DHODH: variants seen among roughly 807,000 people sequenced by gnomAD.
The protein encoded by DHODH is dihydroorotate dehydrogenase (quinone), mitochondrial.
In DHODH, 30 loss-of-function variants were observed where a neutral mutation model predicts 39.7. That is an observed-to-expected ratio of 0.76 (90% confidence interval 0.57 to 1.02). DHODH has a LOEUF of 1.02. Ranked by LOEUF, DHODH falls within the 50% of genes least tolerant of loss-of-function variation. The pLI is 0.00. For missense variants in DHODH, 531 were observed against 520.8 expected, an observed-to-expected ratio of 1.02 and a Z score of -0.19; for synonymous variants, 222 against 213.8, an observed-to-expected ratio of 1.04 and a Z score of -0.34.
chr16:72,026,507 A>G lies in DHODH; in HGVS notation c.*2308A>G, dbSNP rs567213487. Reference sequence around the variant, plus strand: ...GGGATTCTTCAGCCTCAGCCTCCAGAGTAGCTGGGACTACAGGTGCATGCC... The same window carrying G: ...GGGATTCTTCAGCCTCAGCCTCCAGGGTAGCTGGGACTACAGGTGCATGCC... On this transcript the variant is annotated 3_prime_UTR_variant, in exon 9 of 9. Coordinates refer to ENST00000219240, the MANE Select transcript of DHODH (RefSeq NM_001361.5). The G allele has an allele frequency of 2.6e-5, 4 of 152,120 alleles. No individual in the cohort carries two copies. The highest frequency in any genetic ancestry group is 5.9e-5 in the Non-Finnish European group (4 of 68,288). 9.4% of individuals were successfully genotyped at this position (152,120 alleles called of 1,614,324 possible). A position where few individuals can be genotyped will look rare whatever the true frequency, so the allele number is the denominator to read the frequency against.
Position 72,014,687 on chromosome 16 carries a change from CAG to C in DHODH, c.434+18_434+19del. 1 of 1,613,686 alleles carries C rather than the reference CAG, an allele frequency of 6.2e-7. No individual in the cohort carries two copies. The highest frequency in any genetic ancestry group is 1.1e-5 in the South Asian group (1 of 91,060). ...GTCATTAACAGGTAGGTGAGCGGCCCAGAGTTAACGGGGGATGCCCTCTTTCC... is the reference window on the plus strand; with the variant it reads ...GTCATTAACAGGTAGGTGAGCGGCCCAGTTAACGGGGGATGCCCTCTTTCC... On this transcript the variant is annotated intron_variant, in intron 3 of 8. Transcript: ENST00000219240.
chr16:72,009,855 C>T (rs956119496), intron 1 of DHODH, among the ~76,000 whole-genome samples: 29 of 152,278 alleles, frequency 1.9e-4, no homozygotes, highest in Admixed American at 1.6e-3. Context: ...ACCTCGTGAG[C>T]CTCCCAAAGT....
intron 3 of DHODH, 45 bp from the exon 4 acceptor site, chr16:72,016,979 T>C: frequency 1.3e-6 from 2 of 1,558,330 alleles, no homozygotes; most frequent in South Asian, 1.1e-5. Context: ...GAAGTGGCTA[T>C]GGTGCCGTCT....
rs765741816 is a variant in DHODH, at chr16:72,012,172, G to A, written c.144G>A (p.Leu48=). The change falls in exon 2 of 9, where the codon CTG becomes CTA. Residue 48 remains leucine (L), a synonymous_variant. Transcript: ENST00000219240. ...ACCTGATGCCGACTCTGCAGGGGCT[G>A]CTGGACCCGGAGTCAGCCCACAGAC... ...AEHLMPTLQG[L]LDPESAHRLA... The A allele has an allele frequency of 5.6e-6, 9 of 1,614,174 alleles. No individual in the cohort carries two copies. The highest frequency in any genetic ancestry group is 7.6e-6 in the Non-Finnish European group (9 of 1,180,030).
intron 2 of DHODH, among the ~76,000 whole-genome samples, chr16:72,014,034 AT>A (rs1457431082): frequency 3.9e-5 from 6 of 152,148 alleles, no homozygotes; most frequent in Non-Finnish European, 7.4e-5. Flanking sequence ...TATTAAGCTG[AT>A]TAAAGGGTTT....
chr16:72,023,726 T>G (rs1003206230), intron 8 of DHODH, 93 bp downstream of exon 8: 1 of 1,573,018 alleles, frequency 6.4e-7, no homozygotes, highest in South Asian at 1.1e-5. Context: ...CTGTTTCTTA[T>G]TCATTCAAAA....
intron 5 of DHODH, 53 bp from the exon 6 acceptor site, chr16:72,022,309 A>G: frequency 7.6e-7 from 1 of 1,316,628 alleles, no homozygotes; most frequent in Non-Finnish European, 1.1e-6. Flanking sequence ...TCACAGCTGC[A>G]CTGCAGGGCT....
chr16:72,012,045 T>G lies in DHODH; in HGVS notation c.22-5T>G. 6.2e-7 allele frequency: 1 copy of G among 1,614,052 alleles called. No individual in the cohort carries two copies. The highest frequency in any genetic ancestry group is 2.2e-5 in the East Asian group (1 of 44,890). On this transcript the variant is annotated splice_region_variant and splice_polypyrimidine_tract_variant and intron_variant, in intron 1 of 8. Transcript: ENST00000219240. ...GGGACCCCCCTAATATGCTCTTTTTTGCAGAAGCGGGCCCAGGATGCTGTG... is the reference window on the plus strand; with the variant it reads ...GGGACCCCCCTAATATGCTCTTTTTGGCAGAAGCGGGCCCAGGATGCTGTG...
chr16:72,022,350 G>GT lies in DHODH; in HGVS notation c.706-11dup, dbSNP rs756693219. ...CTGCGGGGTCCCCAGCTCTGGCCGT[G>GT]TGTCGCCCTAGGTGCTGCAGGAGAG... On this transcript the variant is annotated splice_polypyrimidine_tract_variant and intron_variant, in intron 5 of 8. Transcript: ENST00000219240. The GT allele has an allele frequency of 6.5e-7, 1 of 1,549,778 alleles. No individual in the cohort carries two copies. Among genetic ancestry groups the GT allele is most frequent in the Non-Finnish European group, 8.7e-7 (1 of 1,146,272 alleles).
At chr16:72,021,774 G>GA (rs2041220242) in intron 5 of DHODH, among the ~76,000 whole-genome samples, 1 of 152,138 alleles carries the variant, frequency 6.6e-6, no homozygotes, top group Non-Finnish European at 1.5e-5. Context: ...GACCAGCCTG[G>GA]GCAAAAGAGC....
rs952358400 is a variant in DHODH at position 72,024,927 on chromosome 16, C to A, written c.*728C>A. ...GAGGTTGCAGTGAGCCAAGATTGCA[C>A]CAGTGCACTCCAGCTTGGGCGACAG... On this transcript the variant is annotated 3_prime_UTR_variant, in exon 9 of 9. Coordinates refer to ENST00000219240, the MANE Select transcript of DHODH (RefSeq NM_001361.5). 6.5e-6 allele frequency: 1 copy of A among 152,676 alleles called. No homozygotes were observed. Among genetic ancestry groups the A allele is most frequent in the African/African-American group, 2.4e-5 (1 of 41,466 alleles). 9.5% of individuals were successfully genotyped at this position (152,676 alleles called of 1,614,324 possible). A position where few individuals can be genotyped will look rare whatever the true frequency, so the allele number is the denominator to read the frequency against.
chr16:72,014,575 G>A lies in DHODH; in HGVS notation c.337G>A (p.Gly113Ser). Reference sequence around the variant, plus strand: ...GGACGGACTTTATAAGATGGGCTTTGGTTTTGTTGAGATAGGAAGTGTGAC... The same window carrying A: ...GGACGGACTTTATAAGATGGGCTTTAGTTTTGTTGAGATAGGAAGTGTGAC... The part of the protein sequence containing the change: ...AVDGLYKMGF[G>S]FVEIGSVTPK... Residue 113 changes from glycine to serine, a missense_variant, in exon 3 of 9, where the codon GGT becomes AGT. Physicochemically the swap from Gly to Ser is moderately conservative, Grantham distance 56. Transcript: ENST00000219240. 6.2e-7 allele frequency: 1 copy of A among 1,614,158 alleles called. No individual in the cohort carries two copies. The highest frequency in any genetic ancestry group is 8.5e-7 in the Non-Finnish European group (1 of 1,180,042).
At chr16:72,015,902 G>C (rs921765667) in intron 3 of DHODH, 1 of 983,662 alleles carries the variant, frequency 1.0e-6, no homozygotes, top group Non-Finnish European at 1.2e-6. Flanking sequence ...AAGTTATGAA[G>C]TCATCAGATA....
chr16:72,011,247 C>T (rs540328700), intron 1 of DHODH, among the ~76,000 whole-genome samples: 27 of 152,306 alleles, frequency 1.8e-4, no homozygotes, highest in Non-Finnish European at 2.8e-4. Flanking sequence ...GTACCATTCC[C>T]GATGAGATTT....
chr16:72,021,575 C>G (rs2143997769), intron 5 of DHODH, among the ~76,000 whole-genome samples: 1 of 152,368 alleles, frequency 6.6e-6, no homozygotes, highest in South Asian at 2.1e-4. Context: ...TCTCATTTGT[C>G]ACTCTGACCC....
rs267606765 is a variant in DHODH, at chr16:72,012,084, G to A, written c.56G>A (p.Gly19Glu). Residue 19 changes from glycine to glutamate, a missense_variant, in exon 2 of 9, where the codon GGA (glycine) becomes GAA (glutamate). Physicochemically the swap from Gly to Glu is moderately conservative, Grantham distance 98. Coordinates refer to ENST00000219240, the MANE Select transcript of DHODH (RefSeq NM_001361.5). ...RAQDAVIILG[G>E]GGLLFASYLM... ...CAGGATGCTGTGATCATCCTGGGGG[G>A]AGGAGGACTTCTCTTCGCCTCCTAC... is the stretch of plus-strand genomic sequence containing the variant. The A allele has an allele frequency of 1.6e-5, 26 of 1,614,056 alleles. No individual in the cohort carries two copies. The Admixed American group carries it at 2.7e-4, about 17-fold the overall frequency.
chr16:72,015,722 T>C (rs3812988), intron 3 of DHODH: 761,409 of 985,200 alleles, frequency 0.77, 295,726 homozygotes, highest in East Asian at 0.96. Flanking sequence ...AGGCAAAATA[T>C]ATTTGCTTAA....
In DHODH at chr16:72,023,551, C is replaced by A. The variant is rs577451750; in HGVS notation, c.1051C>A (p.Leu351Met). 12 of 1,614,126 alleles carry A rather than the reference C, an allele frequency of 7.4e-6. No individual in the cohort carries two copies. In the African/African-American group the frequency reaches 1.3e-4, roughly 18 times the overall value. Residue 351 changes from leucine to methionine, a missense_variant, in exon 8 of 9, where the codon CTG (leucine) becomes ATG (methionine). By Grantham distance (15) the Leu-to-Met change is conservative. Coordinates refer to ENST00000219240, the MANE Select transcript of DHODH (RefSeq NM_001361.5). ...ALEKIRAGAS[L>M]VQLYTALTFW... ...GGAGAAGATCCGGGCAGGGGCCTCC[C>A]TGGTGCAGCTGTACACGGCCCTCAC...
Position 72,024,221 on chromosome 16 carries a change from C to A in DHODH, c.*22C>A. ...GTGAGGACAGCGTCTGACGGGAAGC[C>A]TGATCTGGAACCTTCCCAAGGACTC... On this transcript the variant is annotated 3_prime_UTR_variant, in exon 9 of 9. Coordinates refer to ENST00000219240, the MANE Select transcript of DHODH (RefSeq NM_001361.5). 6.2e-7 allele frequency: 1 copy of A among 1,613,796 alleles called. No homozygotes were observed. Among genetic ancestry groups the A allele is most frequent in the Non-Finnish European group, 8.5e-7 (1 of 1,179,778 alleles).
Sources: allele counts gnomAD v4.1 joint callset (sites outside exome capture counted in the v4.1 genomes callset), GRCh38; gene constraint gnomAD v4.1.1; transcripts MANE v1.5; gene names NCBI Gene and HGNC (gene_info 2026-07-23, HGNC 2026-07-21).